RAB33A: variants seen among roughly 807,000 people sequenced by gnomAD.
RAB33A encodes the protein RAB33A, member RAS oncogene family, also known as ras-related protein Rab-33A.
Under a neutral mutation model 12.0 loss-of-function variants are expected in RAB33A, and 6 were observed. The observed-to-expected ratio is 0.50, with a 90% CI of 0.27 to 0.99. The LOEUF is 0.99. Ranked by LOEUF, RAB33A falls within the 50% of genes least tolerant of loss-of-function variation. The pLI is 0.11. For missense variants in RAB33A, 109 were observed against 192.0 expected, an observed-to-expected ratio of 0.57 and a Z score of 2.55; for synonymous variants, 70 against 82.4, an observed-to-expected ratio of 0.85 and a Z score of 0.81.
At chrX:130,178,355 G>A (rs1232115783) in intron 1 of RAB33A, among the ~76,000 whole-genome samples, 19 of 107,874 alleles carry the variant, frequency 1.8e-4, no homozygotes, top group African/African-American at 5.1e-4. Context: ...GAGACCAGGC[G>A]TGGTGGCTCA....
At chrX:130,167,599 C>T (rs1359338996), upstream of RAB33A, among the ~76,000 whole-genome samples, 1 of 112,132 alleles carries the variant, frequency 8.9e-6, no homozygotes, top group Non-Finnish European at 1.9e-5. Context: ...AAAAATTAGC[C>T]GGGCGCCATG....
At chrX:130,122,517 C>T in the RAB33A span, among the ~76,000 whole-genome samples, 10 of 112,341 alleles carry the variant, frequency 8.9e-5, no homozygotes, top group African/African-American at 2.6e-4. Context: ...CTTCAGGGCA[C>T]GGCTCTGCCA....
chrX:130,147,383 G>A, the RAB33A span: 274 of 998,468 alleles, frequency 2.7e-4, no homozygotes, highest in South Asian at 5.0e-3. Context: ...AGACTCTAGT[G>A]GACAGCCAAG....
At chrX:130,154,490 T>G in the RAB33A span, among the ~76,000 whole-genome samples, 52 of 112,436 alleles carry the variant, frequency 4.6e-4, 1 homozygote, top group Admixed American at 3.8e-3. Context: ...GTATCTGAAT[T>G]ACGAATGAGA....
At chrX:130,174,682 A>G (rs2031646842) in intron 1 of RAB33A, among the ~76,000 whole-genome samples, 1 of 111,742 alleles carries the variant, frequency 8.9e-6, no homozygotes, top group Non-Finnish European at 1.9e-5. Flanking sequence ...GGGCTGTAAC[A>G]TACCAGCCCT....
chrX:130,114,126 C>T, the RAB33A span, among the ~76,000 whole-genome samples: 1 of 112,255 alleles, frequency 8.9e-6, no homozygotes, highest in African/African-American at 3.2e-5. Context: ...AGGCTGAAGC[C>T]TCAAGGCAGC....
At chrX:130,136,616 T>C in the RAB33A span, 1 of 1,186,720 alleles carries the variant, frequency 8.4e-7, no homozygotes. Flanking sequence ...GGAAGGCCTC[T>C]TGGCAGACTA....
At chrX:130,178,317 G>T (rs2031683841) in intron 1 of RAB33A, among the ~76,000 whole-genome samples, 1 of 70,264 alleles carries the variant, frequency 1.4e-5, no homozygotes. Context: ...GATCTTGTCT[G>T]GAAAAGAGAG....
the RAB33A span, among the ~76,000 whole-genome samples, chrX:130,130,583 T>A: frequency 1.8e-5 from 2 of 112,490 alleles, no homozygotes; most frequent in Admixed American, 1.9e-4. Context: ...TCAAACTGAG[T>A]AAGATGTAAA....
chrX:130,132,693 A>G, the RAB33A span, among the ~76,000 whole-genome samples: 2 of 110,758 alleles, frequency 1.8e-5, no homozygotes, highest in Admixed American at 9.6e-5. Context: ...ATGAGCAACC[A>G]TACCAGACCA....
At chrX:130,125,635 G>C in the RAB33A span, among the ~76,000 whole-genome samples, 3 of 109,956 alleles carry the variant, frequency 2.7e-5, no homozygotes, top group African/African-American at 1.0e-4. Context: ...GCGGGAAAGG[G>C]AAGGGGCAGT....
At chrX:130,147,379 T>C in the RAB33A span, 2 of 945,097 alleles carry the variant, frequency 2.1e-6, no homozygotes, top group African/African-American at 1.9e-5. Flanking sequence ...CAGTAGACTC[T>C]AGTGGACAGC....
chrX:130,135,868 G>A, the RAB33A span, among the ~76,000 whole-genome samples: 1 of 111,676 alleles, frequency 9.0e-6, no homozygotes, highest in African/African-American at 3.3e-5. Flanking sequence ...TTGCAGATGA[G>A]GCCATACCTG....
At chrX:130,126,991 G>A in the RAB33A span, among the ~76,000 whole-genome samples, 158 of 111,785 alleles carry the variant, frequency 1.4e-3, no homozygotes, top group African/African-American at 4.7e-3. Context: ...ATGGCGTTCC[G>A]GATGTGAAGA....
intron 1 of RAB33A, among the ~76,000 whole-genome samples, chrX:130,179,806 A>G (rs2031702586): frequency 9.9e-6 from 1 of 100,894 alleles, no homozygotes; most frequent in South Asian, 5.1e-4. Context: ...TGCTGCTGAT[A>G]ATGATGATGA....
At chrX:130,126,527 G>A in the RAB33A span, among the ~76,000 whole-genome samples, 1 of 110,369 alleles carries the variant, frequency 9.1e-6, no homozygotes, top group East Asian at 2.8e-4. Flanking sequence ...GAAAGAATTT[G>A]GACCCCAGGA....
upstream of RAB33A, chrX:130,171,895 ACGCG>A: frequency 1.9e-6 from 1 of 526,617 alleles, no homozygotes; most frequent in Non-Finnish European, 2.9e-6. Flanking sequence ...CACCCCCTTC[ACGCG>A]CGCGCGCGCA....
chrX:130,161,415 G>A, the RAB33A span, among the ~76,000 whole-genome samples: 2 of 105,534 alleles, frequency 1.9e-5, no homozygotes, highest in African/African-American at 6.9e-5. Context: ...GGAGGCTGAG[G>A]CAGGAGAATC....
chrX:130,133,820 TG>T, the RAB33A span, among the ~76,000 whole-genome samples: 1 of 106,349 alleles, frequency 9.4e-6, no homozygotes, highest in African/African-American at 3.4e-5. Flanking sequence ...TTGGTAGAGA[TG>T]GGGTGTTGCC....
Sources: allele counts gnomAD v4.1 joint callset (sites outside exome capture counted in the v4.1 genomes callset), GRCh38; gene constraint gnomAD v4.1.1; transcripts MANE v1.5; gene names NCBI Gene and HGNC (gene_info 2026-07-23, HGNC 2026-07-21).